The following CDH13 variants were observed in gnomAD, a reference collection of about 807,000 sequenced individuals.
CDH13 encodes the protein cadherin 13.
In CDH13, 24 loss-of-function variants were observed where a neutral mutation model predicts 63.8. That is an observed-to-expected ratio of 0.38 (90% CI 0.27 to 0.53). The LOEUF (loss-of-function observed/expected upper bound fraction) is 0.53, where lower values mean the gene tolerates loss of function less well. CDH13 is among the 20% of genes least tolerant of loss of function. The pLI, the probability that CDH13 is intolerant of heterozygous loss-of-function variation, is 0.85. For missense variants in CDH13, 1,049 were observed against 903.1 expected (o/e 1.16, Z -2.07); for synonymous variants, 503 against 355.3 (o/e 1.42, Z -4.67).
chr16:82,891,785 AG>A (rs1296802678), intron 2 of CDH13, among the ~76,000 whole-genome samples: 1 of 152,206 alleles, frequency 6.6e-6, no homozygotes, highest in East Asian at 1.9e-4. Flanking sequence ...ACCCACCTGA[AG>A]ATGAAATGAT....
chr16:82,964,898 G>A (rs1055252301), intron 2 of CDH13, among the ~76,000 whole-genome samples: 8 of 152,116 alleles, frequency 5.3e-5, no homozygotes, highest in Admixed American at 1.3e-4. Flanking sequence ...TGAATTAGCC[G>A]AGGATATAGG....
At chr16:82,643,658 C>A (rs1159947734) in intron 1 of CDH13, among the ~76,000 whole-genome samples, 1 of 152,218 alleles carries the variant, frequency 6.6e-6, no homozygotes, top group Non-Finnish European at 1.5e-5. Flanking sequence ...TTTTGCCTCA[C>A]TGGTTATTAT....
At chr16:83,597,363 G>T (rs972539669) in intron 7 of CDH13, among the ~76,000 whole-genome samples, 1 of 152,162 alleles carries the variant, frequency 6.6e-6, no homozygotes, top group Non-Finnish European at 1.5e-5. Flanking sequence ...TAAACACTGA[G>T]ATAAAAGTGA....
intron 2 of CDH13, among the ~76,000 whole-genome samples, chr16:83,014,758 A>ATATATATATATG (rs1914541329): frequency 1.9e-5 from 1 of 51,912 alleles, no homozygotes; most frequent in African/African-American, 6.6e-5. Flanking sequence ...ATATATATAT[A>ATATATATATATG]TATATATATA....
At chr16:83,576,868 A>G (rs1905120256) in intron 7 of CDH13, among the ~76,000 whole-genome samples, 3 of 152,204 alleles carry the variant, frequency 2.0e-5, no homozygotes, top group Non-Finnish European at 4.4e-5. Flanking sequence ...AGAGTTATAA[A>G]TGTTGCCTAC....
chr16:83,356,660 G>C (rs1026765361), intron 6 of CDH13, among the ~76,000 whole-genome samples: 2 of 152,032 alleles, frequency 1.3e-5, no homozygotes, highest in Admixed American at 1.3e-4. Flanking sequence ...TTAAAGCCCT[G>C]AATAATTTAT....
chr16:83,536,633 A>G (rs530477018), intron 7 of CDH13, among the ~76,000 whole-genome samples: 5 of 152,160 alleles, frequency 3.3e-5, no homozygotes, highest in Non-Finnish European at 7.3e-5. Context: ...ATTAAGTTAT[A>G]TGGAGATATA....
chr16:83,645,995 G>C (rs960694809), intron 8 of CDH13, among the ~76,000 whole-genome samples: 2 of 152,228 alleles, frequency 1.3e-5, no homozygotes, highest in African/African-American at 4.8e-5. Context: ...AATGTCTGCT[G>C]TAGGTTTGCT....
At chr16:83,332,308 A>T (rs1006466466) in intron 5 of CDH13, among the ~76,000 whole-genome samples, 4 of 152,134 alleles carry the variant, frequency 2.6e-5, no homozygotes, top group Non-Finnish European at 5.9e-5. Context: ...GTATTACTTA[A>T]ATATTCAATG....
At chr16:83,604,940 T>A (rs539509694) in intron 8 of CDH13, among the ~76,000 whole-genome samples, 269 of 152,326 alleles carry the variant, frequency 1.8e-3, no homozygotes, top group African/African-American at 6.0e-3. Flanking sequence ...GTTTTTAATG[T>A]CATTGAATCC....
chr16:83,245,127 A>G (rs908095488), intron 5 of CDH13, among the ~76,000 whole-genome samples: 2 of 151,854 alleles, frequency 1.3e-5, no homozygotes, highest in Non-Finnish European at 2.9e-5. Flanking sequence ...GCAAAAAAAA[A>G]AAAAGTTTCA....
At chr16:83,617,677 A>G (rs1264714224) in intron 8 of CDH13, among the ~76,000 whole-genome samples, 2 of 151,500 alleles carry the variant, frequency 1.3e-5, no homozygotes, top group African/African-American at 4.8e-5. Context: ...CATAATATCT[A>G]TTGTAATATG....
At chr16:82,884,273 T>C (rs2040808128) in intron 2 of CDH13, 1 of 451,262 alleles carries the variant, frequency 2.2e-6, no homozygotes, top group Admixed American at 2.4e-5. Flanking sequence ...AGGTATAAGA[T>C]GGGTTTGTCA....
intron 7 of CDH13, among the ~76,000 whole-genome samples, chr16:83,491,381 C>T (rs910391703): frequency 4.6e-5 from 7 of 152,148 alleles, no homozygotes; most frequent in Non-Finnish European, 8.8e-5. Context: ...TCTGGCATCT[C>T]TGTCTATGTT....
chr16:82,974,135 C>T (rs985632524), intron 2 of CDH13, among the ~76,000 whole-genome samples: 1 of 152,170 alleles, frequency 6.6e-6, no homozygotes, highest in African/African-American at 2.4e-5. Flanking sequence ...GACAGGGTTT[C>T]AGCACGTTGG....
At chr16:83,548,670 A>G (rs989344096) in intron 7 of CDH13, among the ~76,000 whole-genome samples, 1 of 152,180 alleles carries the variant, frequency 6.6e-6, no homozygotes. Flanking sequence ...GGAGACATCC[A>G]AGTGAGGAGA....
At chr16:83,448,904 CG>C (rs2072794348) in intron 6 of CDH13, among the ~76,000 whole-genome samples, 1 of 152,124 alleles carries the variant, frequency 6.6e-6, no homozygotes, top group South Asian at 2.1e-4. Flanking sequence ...TGATGACTTT[CG>C]AAAGAGCAGC....
At chr16:83,673,140 G>A (rs377749814) in intron 9 of CDH13, among the ~76,000 whole-genome samples, 2 of 152,250 alleles carry the variant, frequency 1.3e-5, no homozygotes, top group African/African-American at 4.8e-5. Flanking sequence ...ATACACATAA[G>A]CACGTATTAA....
At chr16:83,546,048 C>G (rs950819645) in intron 7 of CDH13, among the ~76,000 whole-genome samples, 1 of 152,108 alleles carries the variant, frequency 6.6e-6, no homozygotes, top group Non-Finnish European at 1.5e-5. Context: ...GTGATAAGTG[C>G]TCTGAGGAAA....
Sources: gnomAD v4.1 joint callset for allele counts (sites outside exome capture counted in the v4.1 genomes callset) on GRCh38, gnomAD v4.1.1 for gene constraint, MANE v1.5 for transcripts, NCBI Gene and HGNC (gene_info 2026-07-23, HGNC 2026-07-21) for gene names.